FAT4: variants seen among roughly 807,000 people sequenced by gnomAD.
FAT4 encodes the protein FAT atypical cadherin 4.
A neutral mutation model predicts 303.9 loss-of-function variants in FAT4; 84 were observed. That is an observed-to-expected ratio of 0.28 (90% confidence interval 0.23 to 0.33). The LOEUF (loss-of-function observed/expected upper bound fraction) is 0.33. Ranked by LOEUF, FAT4 falls within the 10% of genes least tolerant of loss-of-function variation. FAT4 has a pLI of 1.00. For synonymous variants in FAT4, 2,307 were observed against 2,298.8 expected (o/e 1.00, Z -0.10); for missense variants, 6,005 against 6,146.8 (o/e 0.98, Z 0.77).
intron 12 of FAT4, among the ~76,000 whole-genome samples, chr4:125,470,195 C>A (rs900172662): frequency 1.3e-5 from 2 of 152,166 alleles, no homozygotes; most frequent in Non-Finnish European, 2.9e-5. Flanking sequence ...ATTCAATAAA[C>A]CATGCTGTAA....
chr4:125,480,613 T>C (rs901935692), intron 15 of FAT4, among the ~76,000 whole-genome samples: 2 of 152,080 alleles, frequency 1.3e-5, no homozygotes, highest in Admixed American at 6.5e-5. Flanking sequence ...TGAAAACAAA[T>C]AGAAATGCAT....
At chr4:125,350,027 C>T (rs1286633974) in intron 2 of FAT4, among the ~76,000 whole-genome samples, 1 of 151,608 alleles carries the variant, frequency 6.6e-6, no homozygotes, top group Non-Finnish European at 1.5e-5. Context: ...CAGTAAATTT[C>T]TATACAATGG....
At chr4:125,459,285 A>C (rs1047654807) in intron 10 of FAT4, among the ~76,000 whole-genome samples, 1 of 152,056 alleles carries the variant, frequency 6.6e-6, no homozygotes. Flanking sequence ...CAACATTAAA[A>C]TGTGCTTGGA....
Position 125,451,005 on chromosome 4 carries a change from A to T in FAT4, c.9995A>T (p.Asp3332Val). The change falls in exon 10 of 18, where the codon GAT becomes GTT. Residue 3332 changes from aspartate to valine, a missense_variant. Coordinates refer to ENST00000394329, the MANE Select transcript of FAT4 (RefSeq NM_001291303.3). ...VFASDRDLGTDGEVHYLIFGN... is the reference protein window; with the variant it reads ...VFASDRDLGTVGEVHYLIFGN... ...GCTAGCGACCGTGATTTGGGCACTGATGGGGAGGTACACTATTTGATTTTT... is the reference window on the plus strand; with the variant it reads ...GCTAGCGACCGTGATTTGGGCACTGTTGGGGAGGTACACTATTTGATTTTT... 5 of 1,614,156 alleles carry T rather than the reference A, an allele frequency of 3.1e-6. No individual in the cohort carries two copies. The highest frequency in any genetic ancestry group is 4.2e-6 in the Non-Finnish European group (5 of 1,180,026).
Position 125,408,455 on chromosome 4 carries a change from G to A in FAT4, c.5581G>A (p.Ala1861Thr), listed in dbSNP as rs1296486092. The change falls in exon 5 of 18, where the codon GCA becomes ACA. Residue 1861 changes from alanine (A) to threonine (T), a missense_variant. Transcript: ENST00000394329. The stretch of plus-strand genomic sequence containing the variant: ...TATTCTTTTGATAGGTTCTTTGGTA[G>A]CAGCCATTTTAGCCACGGATGATGA... ...PEDTIPGSLV[A>T]AILATDDDSG... 1.9e-6 allele frequency: 3 copies of A among 1,593,070 alleles called. No individual in the cohort carries two copies. Among genetic ancestry groups the A allele is most frequent in the Admixed American group, 3.5e-5 (2 of 56,664 alleles).
intron 12 of FAT4, among the ~76,000 whole-genome samples, chr4:125,474,589 A>G (rs1726967247): frequency 6.6e-6 from 1 of 152,002 alleles, no homozygotes; most frequent in Non-Finnish European, 1.5e-5. Flanking sequence ...TACTGTATAG[A>G]GCTTATAATA....
At position 125,452,581 on chromosome 4, in the gene FAT4, G is replaced by A. The variant is rs771156712; in HGVS notation, c.11571G>A (p.Ala3857=). 6.8e-6 allele frequency: 11 copies of A among 1,614,010 alleles called. No individual in the cohort carries two copies. Among genetic ancestry groups the A allele is most frequent in the East Asian group, 6.7e-5 (3 of 44,880 alleles). Residue 3857 remains alanine, a synonymous_variant, in exon 10 of 18, where the codon GCG becomes GCA. Transcript: ENST00000394329. ...TATGCAAGTGTCTGCCAGGATATGC[G>A]GGTAGCTGGTGTGAAATAGATATAG... ...PFLCKCLPGY[A]GSWCEIDIDE...
chr4:125,390,580 G>A (rs2126006233), intron 2 of FAT4, among the ~76,000 whole-genome samples: 1 of 152,276 alleles, frequency 6.6e-6, no homozygotes, highest in Admixed American at 6.5e-5. Context: ...TAAGATTAGA[G>A]TTTTTCCTTG....
chr4:125,430,617 G>T (rs1331444062), intron 7 of FAT4, among the ~76,000 whole-genome samples: 1 of 151,344 alleles, frequency 6.6e-6, no homozygotes, highest in Non-Finnish European at 1.5e-5. Flanking sequence ...TAATAAGAAA[G>T]TTGAGACAGT....
chr4:125,398,747 G>A (rs749876483), intron 2 of FAT4, 37 bp from the exon 3 acceptor site: 1 of 1,608,334 alleles, frequency 6.2e-7, no homozygotes, highest in Non-Finnish European at 8.5e-7. Flanking sequence ...GCAGACACGT[G>A]GGAGTCATTC....
At chr4:125,400,305 A>T (rs1026560124) in intron 3 of FAT4, among the ~76,000 whole-genome samples, 2 of 152,022 alleles carry the variant, frequency 1.3e-5, no homozygotes, top group Admixed American at 6.6e-5. Context: ...AATTACAGGA[A>T]TCACAGGTAG....
intron 2 of FAT4, among the ~76,000 whole-genome samples, chr4:125,391,274 C>T (rs1733964698): frequency 6.6e-6 from 1 of 152,068 alleles, no homozygotes; most frequent in Admixed American, 6.6e-5. Flanking sequence ...AACCCAAATG[C>T]CCATCAATGA....
At position 125,315,433 on chromosome 4, in the gene FAT4, G is replaced by C. The variant is rs1730535333; in HGVS notation, c.-557G>C. Among the ~76,000 whole-genome samples the C allele has an allele frequency of 6.6e-6, 1 of 152,132 alleles. No individual in the cohort carries two copies. The highest frequency in any genetic ancestry group is 1.5e-5 in the Non-Finnish European group (1 of 68,004). On this transcript the variant is annotated 5_prime_UTR_variant, in exon 1 of 18. Transcript: ENST00000394329. ...CGCGCTAGAGTGGGCTTCTGACTGG[G>C]GCCGCCGGAGAACGACCCCCCCTGG...
chr4:125,441,676 A>G (rs1420257370), intron 8 of FAT4, among the ~76,000 whole-genome samples: 3 of 152,218 alleles, frequency 2.0e-5, no homozygotes, highest in South Asian at 4.1e-4. Context: ...GCTCTGCTTT[A>G]ACAATTATAC....
chr4:125,416,634 A>T lies in FAT4; in HGVS notation c.7018+12A>T. 6.2e-7 allele frequency: 1 copy of T among 1,612,504 alleles called. No homozygotes were observed. Among genetic ancestry groups the T allele is most frequent in the Non-Finnish European group, 8.5e-7 (1 of 1,179,038 alleles). On this transcript the variant is annotated intron_variant, in intron 7 of 17. Transcript: ENST00000394329. ...AGCTACAGATTCAGGTAAGTCCATT[A>T]CACCCTTGTTCATTTGTAGATAATT...
At chr4:125,381,462 T>A (rs1578579090) in intron 2 of FAT4, among the ~76,000 whole-genome samples, 1 of 70,924 alleles carries the variant, frequency 1.4e-5, no homozygotes, top group African/African-American at 3.2e-5. Flanking sequence ...TAAAATTATG[T>A]TTATTCTATA....
chr4:125,346,158 A>G (rs1731991914), intron 2 of FAT4, among the ~76,000 whole-genome samples: 1 of 152,104 alleles, frequency 6.6e-6, no homozygotes, highest in Non-Finnish European at 1.5e-5. Context: ...TGGTCACGGT[A>G]GAGCAACCTG....
intron 8 of FAT4, among the ~76,000 whole-genome samples, chr4:125,436,860 A>G (rs1725471656): frequency 6.6e-6 from 1 of 151,714 alleles, no homozygotes; most frequent in South Asian, 2.1e-4. Flanking sequence ...TTATTTATCT[A>G]TGTATTTTTT....
At chr4:125,423,760 C>T (rs923939682) in intron 7 of FAT4, among the ~76,000 whole-genome samples, 4 of 152,178 alleles carry the variant, frequency 2.6e-5, no homozygotes, top group African/African-American at 9.6e-5. Flanking sequence ...CCCTGCAAAG[C>T]CACAGGGGCA....
Sources: allele counts gnomAD v4.1 joint callset (sites outside exome capture counted in the v4.1 genomes callset), GRCh38; gene constraint gnomAD v4.1.1; transcripts MANE v1.5; gene names NCBI Gene and HGNC (gene_info 2026-07-23, HGNC 2026-07-21).